Variants in NAV3 observed in about 807,000 individuals in gnomAD.
NAV3 encodes neuron navigator 3, also known as pore membrane and/or filament interacting like protein 1.
NAV3 carries 87 observed loss-of-function variants against 244.7 expected under a neutral mutation model. The observed-to-expected ratio is 0.36, with a 90% confidence interval of 0.30 to 0.42. The LOEUF (loss-of-function observed/expected upper bound fraction) is 0.42. Ranked by LOEUF, NAV3 falls within the 20% of genes least tolerant of loss-of-function variation. NAV3 has a pLI of 1.00. For missense variants in NAV3, 2,663 were observed against 2,893.3 expected, an observed-to-expected ratio of 0.92 and a Z score of 1.83; for synonymous variants, 1,126 against 1,042.2, an observed-to-expected ratio of 1.08 and a Z score of -1.55.
At chr12:77,776,437 A>C (rs1038243168) in intron 2 of NAV3, among the ~76,000 whole-genome samples, 2 of 152,212 alleles carry the variant, frequency 1.3e-5, no homozygotes, top group African/African-American at 4.8e-5. Context: ...ATAGGAAAAC[A>C]CATAAAGGCA....
chr12:78,096,288 T>C (rs1188509092), intron 12 of NAV3, among the ~76,000 whole-genome samples: 1 of 152,172 alleles, frequency 6.6e-6, no homozygotes, highest in Non-Finnish European at 1.5e-5. Context: ...GAGTAGGAGC[T>C]ACTTCTCTCC....
chr12:77,914,631 C>T (rs1886945489), intron 1 of NAV3, among the ~76,000 whole-genome samples: 1 of 151,926 alleles, frequency 6.6e-6, no homozygotes, highest in African/African-American at 2.4e-5. Context: ...GCTTTTTCAC[C>T]CCCTTTCATG....
intron 2 of NAV3, among the ~76,000 whole-genome samples, chr12:77,655,852 A>C (rs937399255): frequency 2.6e-5 from 4 of 151,540 alleles, no homozygotes; most frequent in African/African-American, 9.8e-5. Context: ...ATATCCAGCC[A>C]AACTAAGCTT....
At chr12:78,145,731 A>C (rs1437894676) in intron 20 of NAV3, among the ~76,000 whole-genome samples, 1 of 152,152 alleles carries the variant, frequency 6.6e-6, no homozygotes. Context: ...TTTGCCAGAC[A>C]CTTTTATCAC....
chr12:78,092,619 C>T (rs1193050565), intron 12 of NAV3, among the ~76,000 whole-genome samples: 3 of 150,324 alleles, frequency 2.0e-5, no homozygotes, highest in African/African-American at 7.3e-5. Context: ...CCTGGCTCAG[C>T]CTCCCGAGTA....
At chr12:78,202,065 A>G (rs1199986620) in intron 38 of NAV3, among the ~76,000 whole-genome samples, 1 of 151,868 alleles carries the variant, frequency 6.6e-6, no homozygotes, top group Admixed American at 6.6e-5. Flanking sequence ...ACCAAATTTA[A>G]CACTTTTAAA....
At chr12:78,083,130 TG>T (rs1173098975) in intron 12 of NAV3, among the ~76,000 whole-genome samples, 1 of 152,218 alleles carries the variant, frequency 6.6e-6, no homozygotes, top group East Asian at 1.9e-4. Flanking sequence ...TTCTTGCTAG[TG>T]GGGATGCTCT....
At chr12:77,875,413 A>G (rs901403355) in intron 1 of NAV3, among the ~76,000 whole-genome samples, 2 of 151,984 alleles carry the variant, frequency 1.3e-5, no homozygotes, top group East Asian at 1.9e-4. Flanking sequence ...TCTTGCTTCA[A>G]TGTTCTTTAT....
At chr12:77,588,294 T>TA (rs1486279064) in intron 2 of NAV3, among the ~76,000 whole-genome samples, 2 of 151,756 alleles carry the variant, frequency 1.3e-5, no homozygotes, top group Non-Finnish European at 2.9e-5. Context: ...TTTTATTTTT[T>TA]TTTTGGTAGA....
chr12:77,791,122 A>C (rs1190879576), intron 2 of NAV3, among the ~76,000 whole-genome samples: 1 of 152,058 alleles, frequency 6.6e-6, no homozygotes, highest in African/African-American at 2.4e-5. Flanking sequence ...TTGGGAGGCC[A>C]AGGTGGGTGG....
At chr12:77,751,078 A>G (rs938422156) in intron 2 of NAV3, among the ~76,000 whole-genome samples, 2 of 152,230 alleles carry the variant, frequency 1.3e-5, no homozygotes, top group Non-Finnish European at 2.9e-5. Flanking sequence ...TTTCACAAAC[A>G]CATAGATCTT....
chr12:77,962,674 C>A (rs182466268), intron 3 of NAV3, among the ~76,000 whole-genome samples: 32 of 152,272 alleles, frequency 2.1e-4, no homozygotes, highest in African/African-American at 7.7e-4. Context: ...CATGGCAATG[C>A]TCTGGTCTTC....
chr12:77,991,283 CA>C (rs1172540124), intron 5 of NAV3, among the ~76,000 whole-genome samples: 1 of 152,116 alleles, frequency 6.6e-6, no homozygotes, highest in African/African-American at 2.4e-5. Context: ...CTCAGACTCC[CA>C]AAGTGCTGTG....
chr12:77,769,596 A>G (rs1869966813), intron 2 of NAV3, among the ~76,000 whole-genome samples: 1 of 152,230 alleles, frequency 6.6e-6, no homozygotes, highest in African/African-American at 2.4e-5. Flanking sequence ...TCTGTGTAAC[A>G]CAAGTTGTTA....
chr12:78,017,797 A>G (rs1346450664), intron 8 of NAV3, among the ~76,000 whole-genome samples: 1 of 152,190 alleles, frequency 6.6e-6, no homozygotes. Context: ...ATGCATAAAA[A>G]TAGAGGGTAT....
intron 9 of NAV3, among the ~76,000 whole-genome samples, chr12:78,046,416 T>A (rs1881803902): frequency 6.6e-6 from 1 of 152,216 alleles, no homozygotes; most frequent in Non-Finnish European, 1.5e-5. Context: ...GTCCCAGACA[T>A]TCTGGTATGT....
chr12:77,972,086 G>A (rs1182234179), intron 5 of NAV3, among the ~76,000 whole-genome samples: 1 of 152,186 alleles, frequency 6.6e-6, no homozygotes, highest in Non-Finnish European at 1.5e-5. Flanking sequence ...GGAAAGAATA[G>A]AGTAAGAAAT....
At chr12:78,207,252 G>A (rs181297343) in intron 39 of NAV3, among the ~76,000 whole-genome samples, 5 of 152,236 alleles carry the variant, frequency 3.3e-5, no homozygotes, top group Admixed American at 3.3e-4. Flanking sequence ...AAGAAACAGG[G>A]AAGAAGAGAG....
At chr12:78,083,309 G>A (rs1467671214) in intron 12 of NAV3, among the ~76,000 whole-genome samples, 1 of 152,094 alleles carries the variant, frequency 6.6e-6, no homozygotes, top group Non-Finnish European at 1.5e-5. Flanking sequence ...ATGACCCGGT[G>A]ATCTCATAAA....
Sources: allele counts gnomAD v4.1 joint callset (sites outside exome capture counted in the v4.1 genomes callset), GRCh38; gene constraint gnomAD v4.1.1; transcripts MANE v1.5; gene names NCBI Gene and HGNC (gene_info 2026-07-23, HGNC 2026-07-21).